Variants in AKAP9 observed in about 807,000 individuals in gnomAD.
AKAP9 encodes A-kinase anchoring protein 9.
A neutral mutation model predicts 488.5 loss-of-function variants in AKAP9; 311 were observed. The observed-to-expected ratio is 0.64, with a 90% CI of 0.58 to 0.70. The LOEUF is 0.70. AKAP9 is among the 30% of genes least tolerant of loss of function. The pLI is 0.00. For synonymous variants in AKAP9, 1,462 were observed against 1,483.5 expected, an observed-to-expected ratio of 0.99 and a Z score of 0.33; for missense variants, 4,215 against 4,374.5, an observed-to-expected ratio of 0.96 and a Z score of 1.03.
chr7:91,987,375 T>C (rs1310188042), intron 3 of AKAP9, among the ~76,000 whole-genome samples: 20 of 151,532 alleles, frequency 1.3e-4, no homozygotes, highest in African/African-American at 1.9e-4. Flanking sequence ...GCCGAGATAG[T>C]GCCATTGCAC....
intron 1 of AKAP9, among the ~76,000 whole-genome samples, chr7:91,948,568 T>TCATCTTTTA (rs999739731): frequency 6.6e-6 from 1 of 151,702 alleles, no homozygotes; most frequent in Non-Finnish European, 1.5e-5. Flanking sequence ...ATATTGAGTA[T>TCATCTTTTA]CATCTTTTAA....
chr7:91,986,191 G>T (rs571486022), intron 3 of AKAP9, among the ~76,000 whole-genome samples: 1 of 152,200 alleles, frequency 6.6e-6, no homozygotes. Flanking sequence ...AAAGAAATGG[G>T]ACCTGCTGAG....
In AKAP9 at chr7:92,002,871, A is replaced by T. The variant is rs1448064268; in HGVS notation, c.2954A>T (p.Gln985Leu). Reference sequence around the variant, plus strand: ...AATGAAGAAGTTAAATCTTTAAAGCAAGAGAAAGAACAAGTTTCATTGAGA... The same window carrying T: ...AATGAAGAAGTTAAATCTTTAAAGCTAGAGAAAGAACAAGTTTCATTGAGA... Reference protein sequence around the residue: ...FLNEEVKSLKQEKEQVSLRCR... With the variant: ...FLNEEVKSLKLEKEQVSLRCR... The change falls in exon 8 of 50, where the codon CAA (glutamine) becomes CTA (leucine). Residue 985 changes from glutamine to leucine, a missense_variant. Coordinates refer to ENST00000356239, the MANE Select transcript of AKAP9 (RefSeq NM_005751.5). The T allele has an allele frequency of 6.2e-7, 1 of 1,612,856 alleles. No homozygotes were observed. The highest frequency in any genetic ancestry group is 1.1e-5 in the South Asian group (1 of 90,862).
At chr7:92,039,836 A>T (rs904952692) in intron 17 of AKAP9, among the ~76,000 whole-genome samples, 3 of 152,056 alleles carry the variant, frequency 2.0e-5, no homozygotes, top group African/African-American at 7.2e-5. Flanking sequence ...TTAGCTGGGC[A>T]TGGCAGTACA....
chr7:92,104,291 T>C (rs1266718617), intron 46 of AKAP9, among the ~76,000 whole-genome samples: 2 of 151,288 alleles, frequency 1.3e-5, no homozygotes, highest in Non-Finnish European at 2.9e-5. Flanking sequence ...CCCGGGTTCA[T>C]GCCATTCTCC....
intron 48 of AKAP9, chr7:92,107,632 C>G: frequency 2.1e-6 from 1 of 487,796 alleles, no homozygotes. Flanking sequence ...GTCAGGAGTT[C>G]AAGACCAGCT....
chr7:92,081,703 A>C (rs541760863), intron 31 of AKAP9, among the ~76,000 whole-genome samples: 71 of 151,924 alleles, frequency 4.7e-4, no homozygotes, highest in African/African-American at 1.7e-3. Flanking sequence ...GACCTCTGTA[A>C]GTTTACTTAT....
At chr7:92,092,339 C>T (rs1378799365) in intron 38 of AKAP9, 1 of 152,110 alleles carries the variant, frequency 6.6e-6, no homozygotes, top group Non-Finnish European at 1.5e-5. Flanking sequence ...ATTAAAGTTC[C>T]AGGGGACTAT....
chr7:92,068,087 G>A (rs530885989), intron 26 of AKAP9, among the ~76,000 whole-genome samples: 2 of 152,126 alleles, frequency 1.3e-5, no homozygotes, highest in Admixed American at 1.3e-4. Flanking sequence ...AGGGCTGGGC[G>A]TGATGGCTCA....
rs745987756 is a variant in AKAP9 at position 92,062,413 on chromosome 7, G to C, written c.5904G>C (p.Gln1968His). 6.2e-7 allele frequency: 1 copy of C among 1,613,888 alleles called. No individual in the cohort carries two copies. The highest frequency in any genetic ancestry group is 1.1e-5 in the South Asian group (1 of 91,080). ...AAGAATTGGAGGCAGAGCAACAGCAGATCCAAGAAGAAAGAGAATTACTGT... is the reference window on the plus strand; with the variant it reads ...AAGAATTGGAGGCAGAGCAACAGCACATCCAAGAAGAAAGAGAATTACTGT... ...RLQELEAEQQ[Q>H]IQEERELLSR... Residue 1968 changes from glutamine to histidine, a missense_variant, in exon 24 of 50, where the codon CAG (glutamine) becomes CAC (histidine). Coordinates refer to ENST00000356239, the MANE Select transcript of AKAP9 (RefSeq NM_005751.5).
rs563307215 is a variant in AKAP9 at position 92,038,831 on chromosome 7, T to C, written c.4692+59T>C. 7.4e-5 allele frequency: 87 copies of C among 1,175,270 alleles called. 4 individuals carry two copies. In the South Asian group the frequency reaches 1.1e-3, roughly 15 times the overall value. 72.8% of individuals were successfully genotyped at this position (1,175,270 alleles called of 1,614,324 possible). On this transcript the variant is annotated intron_variant, in intron 17 of 49. Coordinates refer to ENST00000356239, the MANE Select transcript of AKAP9 (RefSeq NM_005751.5). ...TTAAAAATTGTGAATTCTTTCACTT[T>C]AAAAATATTAGCAATAGTGCTGCTT...
chr7:92,001,421 T>C lies in AKAP9; in HGVS notation c.1504T>C (p.Leu502=). ...GGCAATAAATGAACTGAATATAAAA[T>C]TGCAAGATACTAACTCTCAAAAGGA... The part of the protein sequence containing the change: ...NVAINELNIK[L]QDTNSQKEKL... The change falls in exon 8 of 50, where the codon TTG becomes CTG. Residue 502 remains leucine (L), a synonymous_variant. Transcript: ENST00000356239. 1 of 1,613,736 alleles carries C rather than the reference T, an allele frequency of 6.2e-7. No individual in the cohort carries two copies. The highest frequency in any genetic ancestry group is 8.5e-7 in the Non-Finnish European group (1 of 1,179,816).
chr7:91,988,147 A>G (rs912797581), intron 3 of AKAP9, among the ~76,000 whole-genome samples: 61 of 152,162 alleles, frequency 4.0e-4, no homozygotes, highest in African/African-American at 1.4e-3. Context: ...TAGCTCATCA[A>G]TTTAGTTTTT....
chr7:91,994,360 C>T (rs1349747307), intron 5 of AKAP9, among the ~76,000 whole-genome samples: 2 of 152,042 alleles, frequency 1.3e-5, no homozygotes, highest in African/African-American at 2.4e-5. Flanking sequence ...ATTAGGGGCA[C>T]CCCTAAATAT....
At chr7:92,087,375 A>G (rs1048187860) in intron 37 of AKAP9, among the ~76,000 whole-genome samples, 1 of 152,230 alleles carries the variant, frequency 6.6e-6, no homozygotes, top group Admixed American at 6.5e-5. Flanking sequence ...TTAGGAATGA[A>G]CTAAAGATAT....
intron 1 of AKAP9, among the ~76,000 whole-genome samples, chr7:91,970,900 T>C (rs1361459112): frequency 6.6e-6 from 1 of 152,212 alleles, no homozygotes; most frequent in Non-Finnish European, 1.5e-5. Context: ...TTCTCAAGTT[T>C]TAAAAAGTTT....
At chr7:91,999,704 T>G (rs1175517478) in intron 7 of AKAP9, among the ~76,000 whole-genome samples, 4 of 152,208 alleles carry the variant, frequency 2.6e-5, no homozygotes, top group Non-Finnish European at 2.9e-5. Flanking sequence ...TAAATGCTGT[T>G]TGCTGCAACC....
At chr7:91,955,376 T>TA (rs1272946657) in intron 1 of AKAP9, among the ~76,000 whole-genome samples, 2 of 152,346 alleles carry the variant, frequency 1.3e-5, no homozygotes, top group African/African-American at 2.4e-5. Context: ...AGCATACACA[T>TA]ACGAATATAT....
In AKAP9 at chr7:92,080,157, GT is replaced by G; in HGVS notation, c.8019+9del. ...CAAGATGTTGAAGTTCTCAAGGTTA[GT>G]TTTGTATTTTATTAGTTTCATTTAA... is the stretch of plus-strand genomic sequence containing the variant. On this transcript the variant is annotated splice_donor_region_variant and intron_variant, in intron 31 of 49. Coordinates refer to ENST00000356239, the MANE Select transcript of AKAP9 (RefSeq NM_005751.5). 2 of 1,563,728 alleles carry G rather than the reference GT, an allele frequency of 1.3e-6. No homozygotes were observed. The highest frequency in any genetic ancestry group is 8.6e-7 in the Non-Finnish European group (1 of 1,160,086).
Sources: allele counts gnomAD v4.1 joint callset (sites outside exome capture counted in the v4.1 genomes callset), GRCh38; gene constraint gnomAD v4.1.1; transcripts MANE v1.5; gene names NCBI Gene and HGNC (gene_info 2026-07-23, HGNC 2026-07-21).